Variants in THSD4 observed in about 807,000 individuals in gnomAD.
THSD4 encodes the protein thrombospondin type-1 domain-containing protein 4.
A neutral mutation model predicts 119.0 loss-of-function variants in THSD4; 69 were observed. The observed-to-expected ratio is 0.58, with a 90% confidence interval of 0.48 to 0.71. The LOEUF is 0.71. Among genes scored for constraint, THSD4 ranks in the 30% least tolerant of loss-of-function variants. The probability of loss-of-function intolerance (pLI) is 0.00; values close to 1 mark genes in which losing one functional copy is unlikely to be tolerated. For missense variants in THSD4, 1,393 were observed against 1,391.1 expected (o/e 1.00, Z -0.02); for synonymous variants, 524 against 540.4 (o/e 0.97, Z 0.42).
intron 3 of THSD4, among the ~76,000 whole-genome samples, chr15:71,168,884 A>G (rs1316570866): frequency 6.6e-6 from 1 of 152,222 alleles, no homozygotes. Context: ...AACATTTGAG[A>G]ATAGCTTCGT....
chr15:71,219,698 A>G (rs1054698444), intron 4 of THSD4, among the ~76,000 whole-genome samples: 1 of 152,214 alleles, frequency 6.6e-6, no homozygotes, highest in African/African-American at 2.4e-5. Flanking sequence ...ATTCTTTCAA[A>G]TGCATGACAA....
chr15:71,510,630 A>G (rs1480476110), intron 7 of THSD4, among the ~76,000 whole-genome samples: 1 of 152,186 alleles, frequency 6.6e-6, no homozygotes, highest in Non-Finnish European at 1.5e-5. Context: ...TGCCTGGATT[A>G]GGGCAAAGCA....
rs377305730 is a variant in THSD4 at position 71,611,084 on chromosome 15, C to T, written c.1153-49446C>T. Among the ~76,000 whole-genome samples the T allele has an allele frequency of 1.9e-3, 282 of 152,304 alleles. 3 individuals carry two copies. The highest frequency in any genetic ancestry group is 4.4e-3 in the African/African-American group (182 of 41,560). On this transcript the variant is annotated intron_variant, in intron 7 of 17. Transcript: ENST00000261862. ...TAGCAATTTTTAAAGTGTTTTTAGA[C>T]GAGTTAAAATAAAAATCACTGGACT... is the stretch of plus-strand genomic sequence containing the variant.
chr15:71,479,184 T>C (rs1306566440), intron 7 of THSD4, among the ~76,000 whole-genome samples: 2 of 11,700 alleles, frequency 1.7e-4, no homozygotes, highest in Non-Finnish European at 5.2e-4. Flanking sequence ...TTCTGCCTTT[T>C]TTTTTTTTTT....
intron 7 of THSD4, among the ~76,000 whole-genome samples, chr15:71,509,389 A>G (rs752943372): frequency 2.0e-5 from 3 of 152,248 alleles, no homozygotes; most frequent in African/African-American, 4.8e-5. Flanking sequence ...CTGTGCCATG[A>G]GTAATAAAGT....
intron 3 of THSD4, among the ~76,000 whole-genome samples, chr15:71,201,241 T>C (rs2043801315): frequency 6.6e-6 from 1 of 152,144 alleles, no homozygotes; most frequent in Admixed American, 6.5e-5. Context: ...AGGGCTTTCA[T>C]AATGGTACTT....
At chr15:71,513,160 C>T (rs971929982) in intron 7 of THSD4, among the ~76,000 whole-genome samples, 2 of 152,202 alleles carry the variant, frequency 1.3e-5, no homozygotes, top group Non-Finnish European at 2.9e-5. Context: ...TCCAAGATGG[C>T]GTGAGCCGAG....
intron 7 of THSD4, among the ~76,000 whole-genome samples, chr15:71,434,009 T>G (rs2046973712): frequency 6.6e-6 from 1 of 152,052 alleles, no homozygotes; most frequent in Non-Finnish European, 1.5e-5. Context: ...AGCAATAGTT[T>G]TATTACACTA....
chr15:71,212,006 T>G (rs1049093732), intron 3 of THSD4, among the ~76,000 whole-genome samples: 19 of 152,122 alleles, frequency 1.2e-4, no homozygotes, highest in African/African-American at 4.6e-4. Flanking sequence ...TACAGAAAAC[T>G]CCTTGACTAT....
chr15:71,479,909 C>G (rs2047704949), intron 7 of THSD4, among the ~76,000 whole-genome samples: 1 of 152,160 alleles, frequency 6.6e-6, no homozygotes, highest in South Asian at 2.1e-4. Flanking sequence ...CAGAGAGAAA[C>G]ACTGTTAACA....
At chr15:71,243,594 G>GT (rs1451400659) in intron 5 of THSD4, among the ~76,000 whole-genome samples, 2 of 152,122 alleles carry the variant, frequency 1.3e-5, no homozygotes, top group African/African-American at 2.4e-5. Context: ...CTGGGCAGCA[G>GT]TAAGTTCCTA....
At chr15:71,355,081 G>T (rs1011887458) in intron 6 of THSD4, among the ~76,000 whole-genome samples, 1 of 152,176 alleles carries the variant, frequency 6.6e-6, no homozygotes, top group Non-Finnish European at 1.5e-5. Flanking sequence ...TTTGCCTAAT[G>T]CTGACCGTGA....
intron 7 of THSD4, among the ~76,000 whole-genome samples, chr15:71,577,030 G>A (rs188747762): frequency 6.6e-6 from 1 of 150,962 alleles, no homozygotes; most frequent in East Asian, 1.9e-4. Context: ...TTTTTGGAAA[G>A]TACTGGATTA....
intron 7 of THSD4, among the ~76,000 whole-genome samples, chr15:71,566,698 C>T (rs2049246512): frequency 6.6e-6 from 1 of 151,940 alleles, no homozygotes; most frequent in South Asian, 2.1e-4. Flanking sequence ...GGTCATTTTC[C>T]CCCCTGGTTT....
At chr15:71,157,543 C>A (rs1596230531) in intron 3 of THSD4, among the ~76,000 whole-genome samples, 2 of 152,018 alleles carry the variant, frequency 1.3e-5, no homozygotes, top group East Asian at 3.9e-4. Context: ...GGTAATAGAA[C>A]ACCAGAACTT....
At chr15:71,749,840 A>T (rs1193127568) in intron 14 of THSD4, among the ~76,000 whole-genome samples, 1 of 151,106 alleles carries the variant, frequency 6.6e-6, no homozygotes, top group Non-Finnish European at 1.5e-5. Flanking sequence ...CTGCCTCAGC[A>T]CCCCCTGCCC....
intron 6 of THSD4, among the ~76,000 whole-genome samples, chr15:71,358,346 T>A (rs2045850438): frequency 6.6e-6 from 1 of 152,222 alleles, no homozygotes; most frequent in Non-Finnish European, 1.5e-5. Flanking sequence ...AGGGACTATT[T>A]AGTGACTGTT....
intron 6 of THSD4, among the ~76,000 whole-genome samples, chr15:71,399,848 C>T (rs554398050): frequency 6.6e-6 from 1 of 152,072 alleles, no homozygotes; most frequent in Non-Finnish European, 1.5e-5. Context: ...TTCTGATGTA[C>T]GTTAGAGTTT....
chr15:71,662,149 T>G lies in THSD4; in HGVS notation c.1357+1415T>G, dbSNP rs1025762220. Among the ~76,000 whole-genome samples, 145 of 152,280 alleles carry G rather than the reference T, an allele frequency of 9.5e-4. 1 individual carries two copies. The highest frequency in any genetic ancestry group is 3.4e-3 in the African/African-American group (140 of 41,556). ...GCAGCACTTGAAAGACTATTAAGTC[T>G]GCAACTTTCAAATATCAGGATCACC... On this transcript the variant is annotated intron_variant, in intron 8 of 17. Coordinates refer to ENST00000261862, the MANE Select transcript of THSD4 (RefSeq NM_024817.3).
Sources: gnomAD v4.1 joint callset for allele counts (sites outside exome capture counted in the v4.1 genomes callset) on GRCh38, gnomAD v4.1.1 for gene constraint, MANE v1.5 for transcripts, NCBI Gene and HGNC (gene_info 2026-07-23, HGNC 2026-07-21) for gene names.